Variants in SV2A observed in about 807,000 individuals in gnomAD.
SV2A encodes the protein solute carrier family 22 member B1.
SV2A carries 25 observed loss-of-function variants against 78.0 expected under a neutral mutation model. The observed-to-expected ratio is 0.32, with a 90% CI of 0.23 to 0.45. SV2A has a LOEUF of 0.45. SV2A is among the 20% of genes least tolerant of loss of function. SV2A has a pLI of 1.00. For missense variants in SV2A, 752 were observed against 971.5 expected (o/e 0.77, Z 3.00); for synonymous variants, 355 against 384.7 (o/e 0.92, Z 0.90).
At chr1:149,911,685 A>G (rs971540924) in intron 3 of SV2A, 115 bp downstream of exon 3, 1 of 1,089,322 alleles carries the variant, frequency 9.2e-7, no homozygotes, top group African/African-American at 1.6e-5. Flanking sequence ...CATCCGTTCA[A>G]CTCACACAGA....
rs1553762510 is a variant in SV2A, at chr1:149,905,129, G to T, written c.2114C>A (p.Thr705Lys). The T allele has an allele frequency of 6.2e-7, 1 of 1,612,674 alleles. No individual in the cohort carries two copies. Among genetic ancestry groups the T allele is most frequent in the Admixed American group, 1.7e-5 (1 of 59,764 alleles). Residue 705 changes from threonine to lysine, a missense_variant, in exon 13 of 13, where the codon ACA (threonine) becomes AAA (lysine). Physicochemically the swap from Thr to Lys is moderately conservative, Grantham distance 78. Coordinates refer to ENST00000369146, the MANE Select transcript of SV2A (RefSeq NM_014849.5). ...LAAVLGISIFTSFVGITKAAP... is the reference protein window; with the variant it reads ...LAAVLGISIFKSFVGITKAAP... ...AGCCTTGGTGATTCCCACGAAGGAT[G>T]TGAAGATGCTGATCCCCAGCACAGC...
At chr1:149,906,523 A>G in intron 11 of SV2A, 127 bp downstream of exon 11, 1 of 1,035,612 alleles carries the variant, frequency 9.7e-7, no homozygotes, top group Non-Finnish European at 1.4e-6. Context: ...AGCACCCCCT[A>G]AACAGAAAAC....
At chr1:149,909,773 G>A (rs782038562) in intron 6 of SV2A, 28 bp downstream of exon 6, 16 of 1,611,310 alleles carry the variant, frequency 9.9e-6, no homozygotes, top group Non-Finnish European at 1.4e-5. Context: ...AGGGCGTGGA[G>A]GTCTGAGTCG....
At position 149,910,912 on chromosome 1, in the gene SV2A, C is replaced by T; in HGVS notation, c.869G>A (p.Gly290Glu). ...FSEFLAQEKR[G>E]EHLSWLCMFW... ...CATGCAGAGCCAGCTCAAATGCTCC[C>T]CTCGTTTCTCCTGGGCCAGAAACTC... The change falls in exon 4 of 13, where the codon GGG becomes GAG. Residue 290 changes from glycine to glutamate, a missense_variant. Coordinates refer to ENST00000369146, the MANE Select transcript of SV2A (RefSeq NM_014849.5). The surrounding 1 kb of genome is among the most constrained non-coding windows in gnomAD (Gnocchi z 4.2). 6.2e-7 allele frequency: 1 copy of T among 1,614,232 alleles called. No homozygotes were observed. The highest frequency in any genetic ancestry group is 8.5e-7 in the Non-Finnish European group (1 of 1,180,036).
At chr1:149,909,130 TCTC>T in intron 8 of SV2A, 59 bp downstream of exon 8, 1 of 1,529,248 alleles carries the variant, frequency 6.5e-7, no homozygotes, top group Non-Finnish European at 9.1e-7. Flanking sequence ...TCTCCCCACC[TCTC>T]TCCCAGCCCA....
In SV2A at chr1:149,913,555, C is replaced by T; in HGVS notation, c.286G>A (p.Gly96Arg). The T allele has an allele frequency of 1.6e-5, 26 of 1,614,020 alleles. No individual in the cohort carries two copies. The highest frequency in any genetic ancestry group is 2.1e-5 in the Non-Finnish European group (25 of 1,180,004). ...GCCCGGGGAATGCCCTGATATTCCC[C>T]TTCATAGATCTCATCATCCTCGTCA... is the stretch of plus-strand genomic sequence containing the variant. ...GHDEDDEIYE[G>R]EYQGIPRAES... is the part of the protein sequence containing the mutation. Residue 96 changes from glycine to arginine, a missense_variant, in exon 2 of 13, where the codon GGG becomes AGG. Coordinates refer to ENST00000369146, the MANE Select transcript of SV2A (RefSeq NM_014849.5).
rs1410964615 is a variant in SV2A, at chr1:149,904,696, C to T, written c.*318G>A. The T allele has an allele frequency of 1.5e-5, 4 of 268,568 alleles. No individual in the cohort carries two copies. The highest frequency in any genetic ancestry group is 6.6e-5 in the African/African-American group (3 of 45,602). The allele number at this position is 268,568 out of a possible 1,614,324, so 16.6% of individuals were successfully genotyped here. A position where few individuals can be genotyped will look rare whatever the true frequency, so the allele number is the denominator to read the frequency against. ...GGAAGGCAGGAAGCCTATTCTGGAA[C>T]CCCTGGAACAGGGAAGCAAGGGCCC... On this transcript the variant is annotated 3_prime_UTR_variant, in exon 13 of 13. Transcript: ENST00000369146.
Position 149,910,770 on chromosome 1 carries a change from A to G in SV2A, c.955+56T>C. The G allele has an allele frequency of 6.2e-7, 1 of 1,612,050 alleles. No homozygotes were observed. Among genetic ancestry groups the G allele is most frequent in the Admixed American group, 1.7e-5 (1 of 59,942 alleles). Reference sequence around the variant, plus strand: ...GCTGGGGGAACCCACCACAGGGAGCACAGAAGAAGAGGGAGGAGGGAGATA... The same window carrying G: ...GCTGGGGGAACCCACCACAGGGAGCGCAGAAGAAGAGGGAGGAGGGAGATA... On this transcript the variant is annotated intron_variant, in intron 4 of 12. Transcript: ENST00000369146. This position sits in a 1 kb window ranked among gnomAD's most constrained non-coding sequence, Gnocchi z 4.2.
chr1:149,911,634 G>A (rs1271266469), intron 3 of SV2A, among the ~76,000 whole-genome samples, 166 bp downstream of exon 3: 1 of 152,136 alleles, frequency 6.6e-6, no homozygotes, highest in Non-Finnish European at 1.5e-5. Flanking sequence ...TGGGCAGGGA[G>A]GAGCTGGCCT....
At chr1:149,914,621 A>G (rs1464000333) in intron 1 of SV2A, among the ~76,000 whole-genome samples, 1 of 152,164 alleles carries the variant, frequency 6.6e-6, no homozygotes, top group East Asian at 1.9e-4. Flanking sequence ...ATGGCATCTG[A>G]AGGCAGGGGC....
Position 149,911,995 on chromosome 1 carries a change from A to T in SV2A, c.623-15T>A. 1 of 1,610,708 alleles carries T rather than the reference A, an allele frequency of 6.2e-7. No individual in the cohort carries two copies. The highest frequency in any genetic ancestry group is 8.5e-7 in the Non-Finnish European group (1 of 1,177,968). On this transcript the variant is annotated splice_polypyrimidine_tract_variant and intron_variant, in intron 2 of 12. Coordinates refer to ENST00000369146, the MANE Select transcript of SV2A (RefSeq NM_014849.5). ...GACGATGAGGCCTGGAAGGAGGAGG[A>T]AAACAGGCAGAGGGGGTGTGAGCAG...
rs918049856 is a variant in SV2A, at chr1:149,910,022, A to G, written c.1090-132T>C. Reference sequence around the variant, plus strand: ...GTTCCCAGCCCTCAACCCCACCACCAAGCCCTGACCTATGGGCATGCACTC... The same window carrying G: ...GTTCCCAGCCCTCAACCCCACCACCGAGCCCTGACCTATGGGCATGCACTC... On this transcript the variant is annotated intron_variant, in intron 5 of 12. Coordinates refer to ENST00000369146, the MANE Select transcript of SV2A (RefSeq NM_014849.5). This position sits in a 1 kb window ranked among gnomAD's most constrained non-coding sequence, Gnocchi z 4.2. The G allele has an allele frequency of 3.8e-6, 3 of 788,930 alleles. No individual in the cohort carries two copies. Among genetic ancestry groups the G allele is most frequent in the Non-Finnish European group, 4.2e-6 (2 of 472,692 alleles). The allele number at this position is 788,930 out of a possible 1,614,324, so 48.9% of individuals were successfully genotyped here. A position where few individuals can be genotyped will look rare whatever the true frequency, so the allele number is the denominator to read the frequency against.
intron 12 of SV2A, chr1:149,905,587 G>A (rs2092432391): frequency 2.9e-6 from 1 of 344,806 alleles, no homozygotes; most frequent in African/African-American, 2.1e-5. Flanking sequence ...CTGAGTAGCT[G>A]CGATTACAGG....
At chr1:149,909,672 G>A in intron 6 of SV2A, 101 bp from the exon 7 acceptor site, 2 of 1,430,168 alleles carry the variant, frequency 1.4e-6, no homozygotes, top group Non-Finnish European at 2.0e-6. Context: ...GAGGCAGGAG[G>A]TGGATATGAT....
At chr1:149,905,738 C>G in intron 12 of SV2A, 142 bp downstream of exon 12, 1 of 1,222,402 alleles carries the variant, frequency 8.2e-7, no homozygotes, top group Non-Finnish European at 1.2e-6. Context: ...TCACCGTGCC[C>G]GGCCAAAGCT....
At chr1:149,911,636 A>G (rs782251912) in intron 3 of SV2A, among the ~76,000 whole-genome samples, 164 bp downstream of exon 3, 6 of 152,074 alleles carry the variant, frequency 3.9e-5, no homozygotes, top group Non-Finnish European at 8.8e-5. Context: ...GGCAGGGAGG[A>G]GCTGGCCTGA....
chr1:149,908,234 A>T, intron 8 of SV2A, 28 bp from the exon 9 acceptor site: 1 of 1,599,476 alleles, frequency 6.3e-7, no homozygotes, highest in African/African-American at 1.3e-5. Context: ...ATGGAAACAG[A>T]CAACAGGGCT....
intron 8 of SV2A, among the ~76,000 whole-genome samples, 176 bp from the exon 9 acceptor site, chr1:149,908,382 C>T (rs1349348869): frequency 1.3e-5 from 2 of 151,598 alleles, no homozygotes; most frequent in African/African-American, 4.9e-5. Flanking sequence ...CCTGCTCCTC[C>T]CTTCAACAGT....
Position 149,911,866 on chromosome 1 carries a change from G to T in SV2A, c.737C>A (p.Ala246Asp), listed in dbSNP as rs1433717086. ...LISLSVNSVF[A>D]FFSSFVQGYG... ...ACCCTGGACAAAAGATGAGAAGAAG[G>T]CGAAGACGCTGTTGACTGAGAGCGA... Residue 246 changes from alanine (A) to aspartate (D), a missense_variant, in exon 3 of 13, where the codon GCC becomes GAC. Physicochemically the swap from Ala to Asp is moderately radical, Grantham distance 126. Around this residue, in one of 7 missense-constraint regions of SV2A, gnomAD observed 291 missense variants for 359.5 expected, o/e 0.81. Coordinates refer to ENST00000369146, the MANE Select transcript of SV2A (RefSeq NM_014849.5). 1.2e-6 allele frequency: 2 copies of T among 1,613,692 alleles called. No homozygotes were observed. The highest frequency in any genetic ancestry group is 1.7e-6 in the Non-Finnish European group (2 of 1,179,778).
Sources: allele counts gnomAD v4.1 joint callset (sites outside exome capture counted in the v4.1 genomes callset), GRCh38; gene constraint gnomAD v4.1.1; regional missense constraint gnomAD v4.1.1; non-coding constraint Gnocchi (gnomAD v3.1); transcripts MANE v1.5; gene names NCBI Gene and HGNC (gene_info 2026-07-23, HGNC 2026-07-21).